ALK: variants seen among roughly 807,000 people sequenced by gnomAD.
ALK encodes ALK receptor tyrosine kinase.
ALK carries 74 observed loss-of-function variants against 163.1 expected under a neutral mutation model. The ratio of observed to expected loss-of-function variants is 0.45; its 90% CI spans 0.38 to 0.55. ALK has a LOEUF of 0.55. ALK is among the 20% of genes least tolerant of loss of function. The pLI, the probability that ALK is intolerant of heterozygous loss-of-function variation, is 0.00. For synonymous variants in ALK, 960 were observed against 843.2 expected (o/e 1.14, Z -2.40); for missense variants, 2,063 against 2,105.3 (o/e 0.98, Z 0.39).
intron 3 of ALK, among the ~76,000 whole-genome samples, chr2:29,565,507 C>T (rs143176720): frequency 6.6e-6 from 1 of 152,296 alleles, no homozygotes; most frequent in East Asian, 1.9e-4. Context: ...TATGGAAAAG[C>T]AATCTCAGAT....
intron 4 of ALK, among the ~76,000 whole-genome samples, chr2:29,488,737 G>A (rs554971946): frequency 6.1e-4 from 93 of 152,322 alleles, no homozygotes; most frequent in African/African-American, 2.2e-3. Context: ...TTCAAAGGGA[G>A]ATGAGGGGAT....
intron 2 of ALK, among the ~76,000 whole-genome samples, chr2:29,710,568 TAC>T (rs1235747820): frequency 6.6e-6 from 1 of 151,394 alleles, no homozygotes; most frequent in Admixed American, 6.6e-5. Flanking sequence ...CAGGCTGGAA[TAC>T]AGAGTCACAC....
intron 8 of ALK, among the ~76,000 whole-genome samples, chr2:29,311,981 A>C (rs1666710371): frequency 6.6e-6 from 1 of 152,028 alleles, no homozygotes; most frequent in Non-Finnish European, 1.5e-5. Context: ...GATGGTGGAC[A>C]GGGGTGGCAG....
chr2:29,781,167 C>T (rs1681321323), intron 1 of ALK, among the ~76,000 whole-genome samples: 1 of 152,230 alleles, frequency 6.6e-6, no homozygotes, highest in Non-Finnish European at 1.5e-5. Context: ...AAGACACCCA[C>T]TTACTATCCA....
intron 3 of ALK, among the ~76,000 whole-genome samples, chr2:29,654,799 G>A (rs1677135673): frequency 6.6e-6 from 1 of 151,964 alleles, no homozygotes; most frequent in African/African-American, 2.4e-5. Context: ...AATGAAAATT[G>A]ATTACAGCCA....
chr2:29,910,310 A>T (rs948218444), intron 1 of ALK, among the ~76,000 whole-genome samples: 1 of 152,170 alleles, frequency 6.6e-6, no homozygotes, highest in Non-Finnish European at 1.5e-5. Context: ...TGCAATAAAA[A>T]CTATGCAGAC....
intron 13 of ALK, among the ~76,000 whole-genome samples, chr2:29,235,856 CTTTTTTTTTTTTTTTTT>C (rs569363324): frequency 7.0e-4 from 27 of 38,300 alleles, no homozygotes; most frequent in Admixed American, 1.5e-3. Context: ...CCAGGCTCGA[CTTTTTTTTTTTTTTTTT>C]TTTTTTTTTT....
intron 1 of ALK, among the ~76,000 whole-genome samples, chr2:29,784,220 GACA>G (rs773958982): frequency 1.3e-5 from 2 of 152,182 alleles, no homozygotes; most frequent in Non-Finnish European, 2.9e-5. Context: ...AGACAAAGTA[GACA>G]ACAAGACAAA....
At chr2:29,387,534 G>C (rs931730503) in intron 4 of ALK, among the ~76,000 whole-genome samples, 1 of 152,184 alleles carries the variant, frequency 6.6e-6, no homozygotes, top group Admixed American at 6.5e-5. Flanking sequence ...GTGGATTTGC[G>C]TGGGCTTGGG....
chr2:29,587,799 A>T (rs941940248), intron 3 of ALK, among the ~76,000 whole-genome samples: 1 of 152,222 alleles, frequency 6.6e-6, no homozygotes, highest in Non-Finnish European at 1.5e-5. Context: ...AATAAAAATT[A>T]AAAAAATGTA....
At chr2:29,507,332 T>G (rs1011915593) in intron 4 of ALK, among the ~76,000 whole-genome samples, 1 of 152,194 alleles carries the variant, frequency 6.6e-6, no homozygotes, top group African/African-American at 2.4e-5. Context: ...GTCAAATTCA[T>G]ATAGACAGAA....
intron 4 of ALK, among the ~76,000 whole-genome samples, chr2:29,424,486 G>T (rs192436959): frequency 6.6e-6 from 1 of 152,272 alleles, no homozygotes; most frequent in Non-Finnish European, 1.5e-5. Context: ...GATTAAAGTT[G>T]TTCTTGTATA....
intron 3 of ALK, among the ~76,000 whole-genome samples, chr2:29,553,409 C>T (rs1490494772): frequency 6.6e-6 from 1 of 152,168 alleles, no homozygotes; most frequent in Non-Finnish European, 1.5e-5. Context: ...GTTTATAAAC[C>T]ATTCAGTCTC....
intron 4 of ALK, among the ~76,000 whole-genome samples, chr2:29,392,642 A>G (rs1669202463): frequency 6.6e-6 from 1 of 152,216 alleles, no homozygotes; most frequent in Non-Finnish European, 1.5e-5. Context: ...CCAGGCCAGA[A>G]GGTAGGAGAC....
intron 3 of ALK, among the ~76,000 whole-genome samples, chr2:29,564,970 C>G (rs1273401314): frequency 6.6e-6 from 1 of 152,164 alleles, no homozygotes; most frequent in African/African-American, 2.4e-5. Flanking sequence ...TTAGGGGTAA[C>G]AGCACAGCAA....
At chr2:29,678,179 T>C (rs1226840929) in intron 3 of ALK, among the ~76,000 whole-genome samples, 1 of 151,974 alleles carries the variant, frequency 6.6e-6, no homozygotes, top group East Asian at 1.9e-4. Flanking sequence ...TAGTAATTTG[T>C]GTCTTCTCTC....
chr2:29,230,928 C>A (rs1435900946), intron 15 of ALK, among the ~76,000 whole-genome samples: 2 of 151,696 alleles, frequency 1.3e-5, no homozygotes, highest in Non-Finnish European at 1.5e-5. Flanking sequence ...TTTCATCCTG[C>A]TCAGCCCCCA....
chr2:29,585,984 C>T (rs976537571), intron 3 of ALK, among the ~76,000 whole-genome samples: 1 of 152,218 alleles, frequency 6.6e-6, no homozygotes, highest in Middle Eastern at 3.4e-3. Context: ...AACTGCTTTA[C>T]AGTTGTAAAA....
At chr2:29,320,638 G>A (rs1667003459) in intron 7 of ALK, 113 bp downstream of exon 7, 2 of 1,485,346 alleles carry the variant, frequency 1.3e-6, no homozygotes, top group Non-Finnish European at 1.9e-6. Flanking sequence ...GCAAGCTTTG[G>A]TCAGACACCC....
Sources: allele counts gnomAD v4.1 joint callset (sites outside exome capture counted in the v4.1 genomes callset), GRCh38; gene constraint gnomAD v4.1.1; transcripts MANE v1.5; gene names NCBI Gene and HGNC (gene_info 2026-07-23, HGNC 2026-07-21).